Variants in AUTS2 observed in about 807,000 individuals in gnomAD.
The protein encoded by AUTS2 is autism susceptibility gene 2 protein.
A neutral mutation model predicts 112.4 loss-of-function variants in AUTS2; 17 were observed. That is an observed-to-expected ratio of 0.15 (90% CI 0.10 to 0.23). The LOEUF (loss-of-function observed/expected upper bound fraction) is 0.23. Among genes scored for constraint, AUTS2 ranks in the 10% least tolerant of loss-of-function variants. The pLI, the probability that AUTS2 is intolerant of heterozygous loss-of-function variation, is 1.00. For synonymous variants in AUTS2, 751 were observed against 702.7 expected (o/e 1.07, Z -1.09); for missense variants, 1,510 against 1,701.6 (o/e 0.89, Z 1.98).
At chr7:69,671,522 T>TGC (rs1796328659) in intron 1 of AUTS2, among the ~76,000 whole-genome samples, 2 of 150,832 alleles carry the variant, frequency 1.3e-5, no homozygotes, top group Non-Finnish European at 3.0e-5. Context: ...TGTGTGTGTG[T>TGC]GTCTGTGTGT....
At chr7:70,134,690 A>G (rs1433301168) in intron 4 of AUTS2, 119 bp downstream of exon 4, 3 of 924,696 alleles carry the variant, frequency 3.2e-6, no homozygotes, top group Non-Finnish European at 5.3e-6. Context: ...CCTAAAGAGC[A>G]GACTGATTTC....
At chr7:70,632,412 C>T (rs1297784624) in intron 5 of AUTS2, among the ~76,000 whole-genome samples, 1 of 152,050 alleles carries the variant, frequency 6.6e-6, no homozygotes, top group Non-Finnish European at 1.5e-5. Context: ...GGCCTTTGCT[C>T]ATTCTTCGTG....
chr7:70,258,420 G>C (rs1786995001), intron 4 of AUTS2, among the ~76,000 whole-genome samples: 1 of 152,206 alleles, frequency 6.6e-6, no homozygotes, highest in South Asian at 2.1e-4. Flanking sequence ...TTCAGCTGTT[G>C]CTCGGGAGTA....
At chr7:69,785,933 C>T (rs1027447223) in intron 1 of AUTS2, among the ~76,000 whole-genome samples, 2 of 152,126 alleles carry the variant, frequency 1.3e-5, no homozygotes, top group Admixed American at 1.3e-4. Context: ...CAGGTTCAAA[C>T]GATTCTCCTG....
intron 2 of AUTS2, among the ~76,000 whole-genome samples, chr7:70,015,643 A>C (rs1799993078): frequency 2.0e-5 from 3 of 152,224 alleles, no homozygotes; most frequent in African/African-American, 7.2e-5. Flanking sequence ...GAAATAATAT[A>C]CAGCAGACTG....
At chr7:70,775,183 A>G in intron 12 of AUTS2, 174 bp from the exon 13 acceptor site, 1 of 613,636 alleles carries the variant, frequency 1.6e-6, no homozygotes, top group Admixed American at 3.0e-5. Context: ...GGGAGGGGAC[A>G]CTTGGCACTT....
chr7:70,775,861 G>A (rs760187185), intron 13 of AUTS2, among the ~76,000 whole-genome samples: 1 of 152,178 alleles, frequency 6.6e-6, no homozygotes, highest in Non-Finnish European at 1.5e-5. Flanking sequence ...TTAACATCTT[G>A]CTTAAAGCAA....
intron 1 of AUTS2, among the ~76,000 whole-genome samples, chr7:69,619,218 CT>C (rs1245041560): frequency 6.6e-6 from 1 of 152,102 alleles, no homozygotes; most frequent in Non-Finnish European, 1.5e-5. Flanking sequence ...TCTTCAGCAC[CT>C]TATGAGGCAA....
At chr7:70,050,775 A>C (rs1584639111) in intron 2 of AUTS2, among the ~76,000 whole-genome samples, 1 of 152,152 alleles carries the variant, frequency 6.6e-6, no homozygotes, top group South Asian at 2.1e-4. Flanking sequence ...CGAATGGATC[A>C]CCTGAGGCCA....
At chr7:69,760,175 A>T (rs1196216990) in intron 1 of AUTS2, among the ~76,000 whole-genome samples, 18 of 139,576 alleles carry the variant, frequency 1.3e-4, no homozygotes, top group African/African-American at 3.0e-4. Flanking sequence ...GGAGATAATT[A>T]AAAAAAAAAA....
chr7:70,454,746 A>G (rs1490574306), intron 5 of AUTS2, among the ~76,000 whole-genome samples: 1 of 152,132 alleles, frequency 6.6e-6, no homozygotes, highest in African/African-American at 2.4e-5. Context: ...CTGAGGAGGA[A>G]AGTGGGCTTA....
At chr7:70,731,064 C>A (rs1034589805) in intron 6 of AUTS2, among the ~76,000 whole-genome samples, 2 of 152,144 alleles carry the variant, frequency 1.3e-5, no homozygotes, top group African/African-American at 2.4e-5. Context: ...GTCTACCCCA[C>A]CCATTTGCCC....
At chr7:70,508,070 G>T (rs1244640748) in intron 5 of AUTS2, among the ~76,000 whole-genome samples, 2 of 152,150 alleles carry the variant, frequency 1.3e-5, no homozygotes, top group African/African-American at 2.4e-5. Flanking sequence ...TGATTTAATC[G>T]AAGAGCTGTC....
Position 70,267,010 on chromosome 7 carries a change from G to A in AUTS2, c.660+132439G>A, listed in dbSNP as rs145331641. Among the ~76,000 whole-genome samples, 102 of 152,278 alleles carry A rather than the reference G, an allele frequency of 6.7e-4. No homozygotes were observed. In the East Asian group the frequency reaches 0.016, roughly 24 times the overall value. On this transcript the variant is annotated intron_variant, in intron 4 of 18. Transcript: ENST00000342771. ...TCTCAATTCTATTGTTGGTGACAGC[G>A]CAATAATGGAACTTTCTTCTGTGTG...
At chr7:69,730,517 C>G (rs985170868) in intron 1 of AUTS2, among the ~76,000 whole-genome samples, 3 of 152,144 alleles carry the variant, frequency 2.0e-5, no homozygotes, top group Non-Finnish European at 2.9e-5. Flanking sequence ...ATCAGGAGCT[C>G]GTGTTATTCA....
chr7:70,783,408 A>T (rs1585685899), intron 15 of AUTS2: 1 of 119,376 alleles, frequency 8.4e-6, no homozygotes, highest in South Asian at 2.5e-4. Flanking sequence ...CTCCAAACCC[A>T]GGCCACAAGA....
chr7:69,676,556 G>A (rs185097457), intron 1 of AUTS2, among the ~76,000 whole-genome samples: 9 of 152,328 alleles, frequency 5.9e-5, no homozygotes, highest in Admixed American at 2.6e-4. Context: ...TTTGGTTTAA[G>A]TCAACTATGG....
At chr7:69,763,722 T>C (rs1247673852) in intron 1 of AUTS2, among the ~76,000 whole-genome samples, 1 of 152,226 alleles carries the variant, frequency 6.6e-6, no homozygotes, top group East Asian at 1.9e-4. Flanking sequence ...GTTAGTGATA[T>C]GAGTTAGTAA....
chr7:70,414,031 C>G (rs1384761913), intron 4 of AUTS2, among the ~76,000 whole-genome samples: 1 of 152,186 alleles, frequency 6.6e-6, no homozygotes, highest in African/African-American at 2.4e-5. Context: ...AACAAGGAGA[C>G]TTCAGTCATA....
Sources: gnomAD v4.1 joint callset for allele counts (sites outside exome capture counted in the v4.1 genomes callset) on GRCh38, gnomAD v4.1.1 for gene constraint, MANE v1.5 for transcripts, NCBI Gene and HGNC (gene_info 2026-07-23, HGNC 2026-07-21) for gene names.